FOXP2: variants seen among roughly 807,000 people sequenced by gnomAD.
FOXP2 encodes forkhead box protein P2.
Under a neutral mutation model 115.8 loss-of-function variants are expected in FOXP2, and 12 were observed. That is an observed-to-expected ratio of 0.10 (90% CI 0.07 to 0.17). The LOEUF is 0.17. Among genes scored for constraint, FOXP2 ranks in the 10% least tolerant of loss-of-function variants. The pLI, the probability that FOXP2 is intolerant of heterozygous loss-of-function variation, is 1.00. For synonymous variants in FOXP2, 328 were observed against 297.7 expected, an observed-to-expected ratio of 1.10 and a Z score of -1.05; for missense variants, 629 against 843.5, an observed-to-expected ratio of 0.75 and a Z score of 3.15.
intron 2 of FOXP2, among the ~76,000 whole-genome samples, chr7:114,520,538 A>T (rs1026486527): frequency 2.6e-5 from 4 of 152,132 alleles, no homozygotes; most frequent in African/African-American, 7.2e-5. Context: ...TATTAATTTG[A>T]TAGACTTAAT....
intron 2 of FOXP2, among the ~76,000 whole-genome samples, chr7:114,496,192 G>C (rs1188626975): frequency 6.6e-6 from 1 of 151,892 alleles, no homozygotes; most frequent in Non-Finnish European, 1.5e-5. Flanking sequence ...TTTTGAAAAA[G>C]AAAAATGATA....
chr7:114,381,227 C>T (rs2129191773), intron 2 of FOXP2, among the ~76,000 whole-genome samples: 1 of 152,264 alleles, frequency 6.6e-6, no homozygotes, highest in Non-Finnish European at 1.5e-5. Flanking sequence ...CACTGAGGGC[C>T]CTGGTGCCTT....
chr7:114,387,184 C>T (rs1431117792), intron 2 of FOXP2, among the ~76,000 whole-genome samples: 1 of 152,138 alleles, frequency 6.6e-6, no homozygotes, highest in Non-Finnish European at 1.5e-5. Context: ...CAATCTCTTG[C>T]TTATTTATTT....
At chr7:114,510,251 G>A (rs1763447890) in intron 2 of FOXP2, among the ~76,000 whole-genome samples, 1 of 152,056 alleles carries the variant, frequency 6.6e-6, no homozygotes, top group African/African-American at 2.4e-5. Flanking sequence ...CCTGATTGCT[G>A]GTACAGACAG....
chr7:114,540,540 G>A (rs374167507), intron 3 of FOXP2, among the ~76,000 whole-genome samples: 7 of 152,128 alleles, frequency 4.6e-5, no homozygotes, highest in African/African-American at 1.7e-4. Context: ...CTTAGTTGAG[G>A]AGATATTCAG....
chr7:114,548,491 A>T (rs1316354556), intron 3 of FOXP2, among the ~76,000 whole-genome samples: 1 of 152,178 alleles, frequency 6.6e-6, no homozygotes, highest in Admixed American at 6.6e-5. Context: ...GACCCTAGGG[A>T]TATGTGAAAA....
intron 2 of FOXP2, among the ~76,000 whole-genome samples, chr7:114,353,159 T>A (rs1186300667): frequency 6.6e-6 from 1 of 152,078 alleles, no homozygotes; most frequent in South Asian, 2.1e-4. Flanking sequence ...ATGACAGATA[T>A]CTTATATCAG....
chr7:114,364,107 T>C (rs1462145377), intron 2 of FOXP2, among the ~76,000 whole-genome samples: 1 of 152,170 alleles, frequency 6.6e-6, no homozygotes, highest in Non-Finnish European at 1.5e-5. Flanking sequence ...AATTCTATAC[T>C]AGTTTCATTG....
Position 114,334,902 on chromosome 7 carries a change from G to A in FOXP2, c.-11+46793G>A, listed in dbSNP as rs192540847. On this transcript the variant is annotated intron_variant, in intron 2 of 17. Transcript: ENST00000634411. The stretch of plus-strand genomic sequence containing the variant: ...AAAGGATATCTCTGTGTGTGTGTGT[G>A]TATATATATATTTTATATATATAGA... Among the ~76,000 whole-genome samples, 660 of 135,630 alleles carry A rather than the reference G, an allele frequency of 4.9e-3. 1 individual carries two copies. Among genetic ancestry groups the A allele is most frequent in the African/African-American group, 0.013 (467 of 36,678 alleles). The allele number at this position is 135,630 out of a possible 152,430, so 89.0% of individuals were successfully genotyped here.
chr7:114,281,095 ATTT>A (rs71157578), intron 1 of FOXP2, among the ~76,000 whole-genome samples: 1,673 of 92,764 alleles, frequency 0.018, 8 homozygotes, highest in African/African-American at 0.033. Context: ...TGCAATTTGA[ATTT>A]TTTTTTTTTT....
At chr7:114,165,763 C>T (rs1454709370) in intron 1 of FOXP2, among the ~76,000 whole-genome samples, 1 of 152,116 alleles carries the variant, frequency 6.6e-6, no homozygotes, top group African/African-American at 2.4e-5. Flanking sequence ...TATTGACAAA[C>T]TAATTCATGA....
intron 1 of FOXP2, among the ~76,000 whole-genome samples, chr7:114,268,850 C>A (rs915369830): frequency 2.0e-5 from 3 of 152,004 alleles, no homozygotes; most frequent in African/African-American, 7.2e-5. Flanking sequence ...TTTGTTGAAT[C>A]TATATTTTAA....
rs550351556 is a variant in FOXP2 at position 114,608,375 on chromosome 7, G to A, written c.259-20165G>A. On this transcript the variant is annotated intron_variant, in intron 3 of 16. Coordinates refer to ENST00000350908, the MANE Select transcript of FOXP2 (RefSeq NM_014491.4). ...TTTTTTTTATAGCTAATATGATTGA[G>A]GTCTTGGTTTCTAAAGGCTACCGTC... is the stretch of plus-strand genomic sequence containing the variant. Among the ~76,000 whole-genome samples the A allele has an allele frequency of 4.0e-4, 61 of 152,202 alleles. 1 individual carries two copies. The South Asian group carries it at 0.011, about 27-fold the overall frequency.
chr7:114,659,872 T>C (rs1672768673), intron 13 of FOXP2, among the ~76,000 whole-genome samples, 199 bp downstream of exon 13: 2 of 152,194 alleles, frequency 1.3e-5, no homozygotes, highest in Non-Finnish European at 2.9e-5. Context: ...TCTAATTTGG[T>C]GCAATTAATA....
intron 16 of FOXP2, among the ~76,000 whole-genome samples, chr7:114,686,304 C>T (rs774102525): frequency 9.9e-5 from 15 of 152,038 alleles, no homozygotes; most frequent in Non-Finnish European, 1.3e-4. Flanking sequence ...TCCCGAGTAA[C>T]TGGGATTACA....
chr7:114,264,420 T>C (rs1280496039), intron 1 of FOXP2, among the ~76,000 whole-genome samples: 1 of 152,186 alleles, frequency 6.6e-6, no homozygotes, highest in Non-Finnish European at 1.5e-5. Flanking sequence ...ATTGTTGTTT[T>C]TACACAAATA....
chr7:114,465,738 G>T (rs1259571861), intron 2 of FOXP2, among the ~76,000 whole-genome samples: 1 of 152,180 alleles, frequency 6.6e-6, no homozygotes, highest in African/African-American at 2.4e-5. Context: ...CCTTGAAGAT[G>T]ATTAGCACAC....
chr7:114,239,499 C>A (rs1795097699), intron 1 of FOXP2, among the ~76,000 whole-genome samples: 1 of 152,040 alleles, frequency 6.6e-6, no homozygotes, highest in Non-Finnish European at 1.5e-5. Context: ...TTTCGAGATC[C>A]ATTGCTTTAG....
intron 2 of FOXP2, chr7:114,297,552 T>G (rs1187415163): frequency 4.2e-6 from 1 of 235,874 alleles, no homozygotes; most frequent in Non-Finnish European, 8.4e-6. Flanking sequence ...CCACTAACCC[T>G]GTCACAGTTA....
Sources: allele counts gnomAD v4.1 joint callset (sites outside exome capture counted in the v4.1 genomes callset), GRCh38; gene constraint gnomAD v4.1.1; transcripts MANE v1.5; gene names NCBI Gene and HGNC (gene_info 2026-07-23, HGNC 2026-07-21).